FGF14: variants seen among roughly 807,000 people sequenced by gnomAD.
The protein encoded by FGF14 is fibroblast growth factor homologous factor 4.
A neutral mutation model predicts 25.5 loss-of-function variants in FGF14; 5 were observed. That is an observed-to-expected ratio of 0.20 (90% CI 0.10 to 0.41). The LOEUF (loss-of-function observed/expected upper bound fraction) is 0.41, where lower values mean the gene tolerates loss of function less well. Ranked by LOEUF, FGF14 falls within the 10% of genes least tolerant of loss-of-function variation. The pLI is 1.00. For synonymous variants in FGF14, 138 were observed against 118.3 expected (o/e 1.17, Z -1.08); for missense variants, 222 against 320.1 (o/e 0.69, Z 2.34).
At chr13:101,783,307 T>C (rs565943089) in intron 3 of FGF14, among the ~76,000 whole-genome samples, 3 of 152,108 alleles carry the variant, frequency 2.0e-5, no homozygotes, top group South Asian at 4.2e-4. Context: ...CTGTTTCTAC[T>C]AAAAATACAA....
At chr13:101,885,570 T>C (rs897756294) in intron 1 of FGF14, among the ~76,000 whole-genome samples, 10 of 152,134 alleles carry the variant, frequency 6.6e-5, no homozygotes, top group Non-Finnish European at 8.8e-5. Flanking sequence ...TCGAATGGCA[T>C]AGGTAGCCAC....
intron 1 of FGF14, among the ~76,000 whole-genome samples, chr13:102,303,100 C>T (rs1173325669): frequency 6.6e-6 from 1 of 152,186 alleles, no homozygotes; most frequent in Non-Finnish European, 1.5e-5. Flanking sequence ...CCAAAGTGGA[C>T]TTCTTGATGT....
intron 1 of FGF14, among the ~76,000 whole-genome samples, chr13:102,379,885 A>G (rs1286927960): frequency 6.6e-6 from 1 of 152,172 alleles, no homozygotes; most frequent in African/African-American, 2.4e-5. Context: ...AAGAGCCTCC[A>G]AAGTTTTCAC....
intron 1 of FGF14, among the ~76,000 whole-genome samples, chr13:101,953,566 G>A (rs2036309507): frequency 6.8e-6 from 1 of 147,720 alleles, no homozygotes; most frequent in Non-Finnish European, 1.5e-5. Flanking sequence ...ATATGTGTGT[G>A]TGTGTATATA....
chr13:102,358,412 G>T (rs1019841725), intron 1 of FGF14, among the ~76,000 whole-genome samples: 3 of 152,158 alleles, frequency 2.0e-5, no homozygotes, highest in Non-Finnish European at 4.4e-5. Context: ...CTAACTTACA[G>T]GCTTGTAACT....
intron 1 of FGF14, among the ~76,000 whole-genome samples, chr13:102,047,534 A>G (rs2042038605): frequency 1.3e-5 from 2 of 152,198 alleles, no homozygotes; most frequent in South Asian, 4.1e-4. Flanking sequence ...TTGCAGGGAC[A>G]TGGATGAAGC....
chr13:101,769,004 G>A (rs1351694020), intron 3 of FGF14, among the ~76,000 whole-genome samples: 1 of 152,092 alleles, frequency 6.6e-6, no homozygotes, highest in African/African-American at 2.4e-5. Flanking sequence ...CTTTGCAAAT[G>A]ACTGTCAACA....
intron 1 of FGF14, among the ~76,000 whole-genome samples, chr13:101,963,462 T>C (rs149446124): frequency 2.2e-3 from 329 of 152,230 alleles, no homozygotes; most frequent in Non-Finnish European, 3.7e-3. Flanking sequence ...CACCCTTTTT[T>C]CCCCCTATGT....
intron 1 of FGF14, among the ~76,000 whole-genome samples, chr13:102,068,602 C>G (rs2445944): frequency 0.58 from 88,117 of 152,124 alleles, 28,184 homozygotes; most frequent in African/African-American, 0.86. Context: ...GGGCAGTGAG[C>G]GACTTGGCAC....
chr13:101,899,890 T>C (rs1228337367), intron 1 of FGF14, among the ~76,000 whole-genome samples: 3 of 152,098 alleles, frequency 2.0e-5, no homozygotes, highest in Non-Finnish European at 4.4e-5. Context: ...AAATTTGAAC[T>C]ACAAAATCAG....
chr13:102,361,908 C>CA (rs2057576630), intron 1 of FGF14, among the ~76,000 whole-genome samples: 1 of 151,918 alleles, frequency 6.6e-6, no homozygotes, highest in South Asian at 2.1e-4. Context: ...AAAAGCAGTC[C>CA]AGGGCTGACA....
At chr13:102,181,752 C>T (rs184099270) in intron 1 of FGF14, among the ~76,000 whole-genome samples, 3 of 152,260 alleles carry the variant, frequency 2.0e-5, no homozygotes, top group African/African-American at 4.8e-5. Context: ...GTACATATTA[C>T]GCTGGATCCA....
rs61965262 is a variant in FGF14, at chr13:102,158,641, G to A, written c.208+242830C>T. On this transcript the variant is annotated intron_variant, in intron 1 of 4. Transcript: ENST00000376131. ...CATACGTAACAGACCTGCACATTGT[G>A]CACATGTACCCTAAAACTTAAAGTA... Among the ~76,000 whole-genome samples the A allele has an allele frequency of 3.0e-3, 460 of 151,818 alleles. 2 individuals carry two copies. The highest frequency in any genetic ancestry group is 3.7e-3 in the Non-Finnish European group (254 of 67,970).
chr13:101,715,695 C>A lies in FGF14; in HGVS notation c.*7136G>T. On this transcript the variant is annotated 3_prime_UTR_variant, in exon 5 of 5. Transcript: ENST00000376143. ...GGTCTGGATTCTTATTTTTTCTGGGCCATTAGAACAGATAAATGCGAAGGA... is the reference window on the plus strand; with the variant it reads ...GGTCTGGATTCTTATTTTTTCTGGGACATTAGAACAGATAAATGCGAAGGA... The A allele has an allele frequency of 7.5e-7, 1 of 1,335,934 alleles. No individual in the cohort carries two copies. The highest frequency in any genetic ancestry group is 1.1e-6 in the Non-Finnish European group (1 of 926,482). 82.8% of individuals were successfully genotyped at this position (1,335,934 alleles called of 1,614,324 possible). A position where few individuals can be genotyped will look rare whatever the true frequency, so the allele number is the denominator to read the frequency against.
intron 3 of FGF14, among the ~76,000 whole-genome samples, chr13:101,779,977 G>T (rs1346609291): frequency 6.6e-6 from 1 of 151,984 alleles, no homozygotes; most frequent in Non-Finnish European, 1.5e-5. Flanking sequence ...CTTCTCTGTG[G>T]TTCTATGGTA....
At chr13:102,236,924 G>A (rs2051354318) in intron 1 of FGF14, among the ~76,000 whole-genome samples, 2 of 152,136 alleles carry the variant, frequency 1.3e-5, no homozygotes, top group African/African-American at 4.8e-5. Flanking sequence ...CCTCCCAGCA[G>A]GAGGGGACTG....
chr13:102,394,631 C>T (rs1367428900), intron 1 of FGF14: 1 of 152,330 alleles, frequency 6.6e-6, no homozygotes, highest in Non-Finnish European at 1.5e-5. Context: ...CGCCGCATTG[C>T]GTAGCGAAGC....
At chr13:102,091,784 C>T (rs1192033012) in intron 1 of FGF14, among the ~76,000 whole-genome samples, 2 of 152,014 alleles carry the variant, frequency 1.3e-5, no homozygotes, top group Non-Finnish European at 2.9e-5. Flanking sequence ...TCCACAATAC[C>T]TTAGAGTTTC....
chr13:102,344,639 G>A (rs2057048612), intron 1 of FGF14, among the ~76,000 whole-genome samples: 2 of 152,180 alleles, frequency 1.3e-5, no homozygotes, highest in Admixed American at 6.5e-5. Context: ...GTCTCTGGAT[G>A]TACAAAGGAT....
Sources: allele counts gnomAD v4.1 joint callset (sites outside exome capture counted in the v4.1 genomes callset), GRCh38; gene constraint gnomAD v4.1.1; transcripts MANE v1.5; gene names NCBI Gene and HGNC (gene_info 2026-07-23, HGNC 2026-07-21).